Variants in TTN observed in about 807,000 individuals in gnomAD.
TTN encodes titin, also known as connectin.
TTN carries 1,525 observed loss-of-function variants against 3,223.0 expected under a neutral mutation model. The ratio of observed to expected loss-of-function variants is 0.47; its 90% CI spans 0.45 to 0.49. The LOEUF (loss-of-function observed/expected upper bound fraction) is 0.49. Among genes scored for constraint, TTN ranks in the 20% least tolerant of loss-of-function variants. TTN has a pLI of 0.00. For synonymous variants in TTN, 14,094 were observed against 15,161.0 expected (o/e 0.93, Z 5.17); for missense variants, 40,786 against 43,424.0 (o/e 0.94, Z 5.40).
chr2:178,678,299 A>G (rs1489173727), intron 144 of TTN, 91 bp from the exon 145 acceptor site: 11 of 1,515,380 alleles, frequency 7.3e-6, no homozygotes, highest in Non-Finnish European at 4.5e-6. Context: ...TATCTGACAT[A>G]TTTCTAACCA....
rs2093346464 is a variant in TTN at position 178,788,924 on chromosome 2, TTACTGAAATAAGTCA to T, written c.2076+421_2076+435del. On this transcript the variant is annotated intron_variant, in intron 13 of 362. Coordinates refer to ENST00000589042, the MANE Select transcript of TTN (RefSeq NM_001267550.2). ...TCATACAAAGAAAATTATGGGTAAT[TTACTGAAATAAGTCA>T]TACTCCATAACATAATATACTGAAT... 3.3e-5 allele frequency among the ~76,000 whole-genome samples: 5 copies of T among 152,208 alleles called. No homozygotes were observed. The South Asian group carries it at 1.0e-3, about 32-fold the overall frequency.
rs1158031385 is a variant in TTN, at chr2:178,740,547, A to G, written c.12686T>C (p.Val4229Ala). 2 of 1,613,850 alleles carry G rather than the reference A, an allele frequency of 1.2e-6. No individual in the cohort carries two copies. The highest frequency in any genetic ancestry group is 1.7e-6 in the Non-Finnish European group (2 of 1,179,832). Reference protein sequence around the residue: ...EPPMHSYLTSVAEEVLSPKEK... With the variant: ...EPPMHSYLTSAAEEVLSPKEK... ...TTTTGGTGAAAGTACTTCCTCAGCC[A>G]CAGAGGTTAGATAAGAATGCATTGG... Residue 4229 changes from valine to alanine, a missense_variant, in exon 48 of 363, where the codon GTG becomes GCG. Coordinates refer to ENST00000589042, the MANE Select transcript of TTN (RefSeq NM_001267550.2).
In TTN at chr2:178,574,131, C is replaced by T. The variant is rs180828370; in HGVS notation, c.72001G>A (p.Ala24001Thr). 6.2e-5 allele frequency: 100 copies of T among 1,613,506 alleles called. 1 individual carries two copies. In the African/African-American group the frequency reaches 9.6e-4, roughly 15 times the overall value. Residue 24001 changes from alanine (A) to threonine (T), a missense_variant, in exon 326 of 363, where the codon GCC becomes ACC. Physicochemically the swap from Ala to Thr is moderately conservative, Grantham distance 58 (BLOSUM62 0). Transcript: ENST00000589042. ...EDAAYEFRVI[A>T]KNAAGAISPP... ...CTGATGGCACCTGCAGCATTTTTGG[C>T]GATCACACGGAATTCATATGCAGCA...
chr2:178,793,394 C>G lies in TTN; in HGVS notation c.1536+10G>C, dbSNP rs759949720. 1.2e-6 allele frequency: 2 copies of G among 1,613,700 alleles called. No homozygotes were observed. Among genetic ancestry groups the G allele is most frequent in the Non-Finnish European group, 1.7e-6 (2 of 1,179,796 alleles). On this transcript the variant is annotated intron_variant, in intron 9 of 362. Coordinates refer to ENST00000589042, the MANE Select transcript of TTN (RefSeq NM_001267550.2). Reference sequence around the variant, plus strand: ...ACCTCAGTGAATTTAAAATACAAACCCATTTTCACCTGCTCATGAGTTACG... The same window carrying G: ...ACCTCAGTGAATTTAAAATACAAACGCATTTTCACCTGCTCATGAGTTACG...
chr2:178,686,262 A>C (rs1487188745), intron 127 of TTN, among the ~76,000 whole-genome samples: 2 of 147,712 alleles, frequency 1.4e-5, no homozygotes, highest in African/African-American at 5.0e-5. Context: ...CTGGGACTAC[A>C]GGCGCCCGCC....
chr2:178,634,466 C>A lies in TTN; in HGVS notation c.42315G>T (p.Lys14105Asn). Reference protein sequence around the residue: ...SDKFDIIADGKKHILVINDSQ... With the variant: ...SDKFDIIADGNKHILVINDSQ... ...AATCATTAATAACAAGAATATGTTT[C>A]TTTCCATCAGCGATGATATCAAATT... Residue 14105 changes from lysine (K) to asparagine (N), a missense_variant, in exon 230 of 363, where the codon AAG becomes AAT. By Grantham distance (94) the Lys-to-Asn change is moderately conservative. Transcript: ENST00000589042. The surrounding 1 kb of genome is among the most constrained non-coding windows in gnomAD (Gnocchi z 4.6). The A allele has an allele frequency of 1.2e-6, 2 of 1,613,198 alleles. No homozygotes were observed. Among genetic ancestry groups the A allele is most frequent in the Non-Finnish European group, 1.7e-6 (2 of 1,179,480 alleles).
intron 127 of TTN, among the ~76,000 whole-genome samples, chr2:178,687,037 C>T (rs188069221): frequency 3.9e-5 from 6 of 152,300 alleles, no homozygotes; most frequent in Admixed American, 3.9e-4. Context: ...GAGTCATGTC[C>T]CATCTTGGCC....
chr2:178,767,843 C>T lies in TTN; in HGVS notation c.9387G>A (p.Val3129=). The change falls in exon 40 of 363, where the codon GTG becomes GTA. Residue 3129 remains valine, a synonymous_variant. Transcript: ENST00000589042. ...TRMSDAGKYT[V]VAGGNVSTAK... ...CAGTTGACACGTTGCCTCCTGCCACCACTGTGTACTTCCCAGCATCAGACA... is the reference window on the plus strand; with the variant it reads ...CAGTTGACACGTTGCCTCCTGCCACTACTGTGTACTTCCCAGCATCAGACA... The T allele has an allele frequency of 6.2e-7, 1 of 1,614,148 alleles. No homozygotes were observed. The highest frequency in any genetic ancestry group is 8.5e-7 in the Non-Finnish European group (1 of 1,180,006).
intron 253 of TTN, 80 bp from the exon 254 acceptor site, chr2:178,617,592 ATCC>A: frequency 4.2e-6 from 6 of 1,436,278 alleles, no homozygotes; most frequent in Non-Finnish European, 4.7e-6. Flanking sequence ...CAATTATATC[ATCC>A]TCATTAACAG....
rs1438134317 is a variant in TTN, at chr2:178,719,989, C to G, written c.23653G>C (p.Val7885Leu). 1.2e-6 allele frequency: 2 copies of G among 1,605,792 alleles called. No individual in the cohort carries two copies. The highest frequency in any genetic ancestry group is 2.2e-5 in the South Asian group (2 of 89,742). The change falls in exon 81 of 363, where the codon GTA (valine) becomes CTA (leucine). Residue 7885 changes from valine to leucine, a missense_variant. Val to Leu is a conservative substitution (Grantham distance 32). Coordinates refer to ENST00000589042, the MANE Select transcript of TTN (RefSeq NM_001267550.2). ...GCTGTGCTTTGCTACTAACCTAGTA[C>G]AGTCAAGACTGCAGAGCATTCTCTC... The part of the protein sequence containing the change: ...GMRECSAVLT[V>L]LEPARIIEKP...
At chr2:178,748,732 A>C (rs1174029233) in intron 47 of TTN, 1 of 1,612,658 alleles carries the variant, frequency 6.2e-7, no homozygotes, top group African/African-American at 1.3e-5. Flanking sequence ...GTTTATCTAT[A>C]AGACTTATTT....
In TTN at chr2:178,779,898, C is replaced by T. The variant is rs2092611187; in HGVS notation, c.3729+102G>A. The stretch of plus-strand genomic sequence containing the variant: ...ACAGTGAACTTGGACCTTCTAATAG[C>T]TGTCTAACCCCGAGCTCATCACTTG... On this transcript the variant is annotated intron_variant, in intron 22 of 362. Coordinates refer to ENST00000589042, the MANE Select transcript of TTN (RefSeq NM_001267550.2). The T allele has an allele frequency of 2.6e-6, 3 of 1,164,776 alleles. No individual in the cohort carries two copies. The South Asian group carries it at 4.2e-5, about 16-fold the overall frequency. The allele number at this position is 1,164,776 out of a possible 1,614,324, so 72.2% of individuals were successfully genotyped here. A position where few individuals can be genotyped will look rare whatever the true frequency, so the allele number is the denominator to read the frequency against.
Position 178,548,879 on chromosome 2 carries a change from G to T in TTN, c.92747C>A (p.Ala30916Glu). ...DSCEVTGTIK[A>E]VDRLTAPELD... ...CTCAGGAGCTGTTAACCGGTCAACTGCTTTAATTGTGCCAGTCACTTCACA... is the reference window on the plus strand; with the variant it reads ...CTCAGGAGCTGTTAACCGGTCAACTTCTTTAATTGTGCCAGTCACTTCACA... The change falls in exon 339 of 363, where the codon GCA (alanine) becomes GAA (glutamate). Residue 30916 changes from alanine to glutamate, a missense_variant. By Grantham distance (107) the Ala-to-Glu change is moderately radical. Transcript: ENST00000589042. The surrounding 1 kb of genome is among the most constrained non-coding windows in gnomAD (Gnocchi z 4.3). 1 of 1,613,740 alleles carries T rather than the reference G, an allele frequency of 6.2e-7. No homozygotes were observed.
Position 178,800,500 on chromosome 2 carries a change from T to A in TTN, c.478A>T (p.Ser160Cys). The A allele has an allele frequency of 6.2e-7, 1 of 1,614,176 alleles. No homozygotes were observed. The highest frequency in any genetic ancestry group is 8.5e-7 in the Non-Finnish European group (1 of 1,180,018). ...FQISQEGDLY[S>C]LLIAEAYPED... ...GGGTATGCTTCTGCAATCAGTAAGC[T>A]GTAGAGGTCGCCTTCTTGTGAAATT... Residue 160 changes from serine to cysteine, a missense_variant, in exon 4 of 363, where the codon AGC becomes TGC. Physicochemically the swap from Ser to Cys is moderately radical, Grantham distance 112. Transcript: ENST00000589042.
At chr2:178,735,418 C>T in intron 50 of TTN, 93 bp downstream of exon 50, 1 of 1,211,550 alleles carries the variant, frequency 8.3e-7, no homozygotes, top group Non-Finnish European at 1.1e-6. Flanking sequence ...ATTTTAATAA[C>T]AAAGTGTACT....
rs377406091 is a variant in TTN, at chr2:178,535,086, C to T, written c.101529G>A (p.Lys33843=). The T allele has an allele frequency of 6.2e-7, 1 of 1,613,834 alleles. No homozygotes were observed. Among genetic ancestry groups the T allele is most frequent in the Non-Finnish European group, 8.5e-7 (1 of 1,179,844 alleles). The change falls in exon 358 of 363, where the codon AAG becomes AAA. Residue 33843 remains lysine (K), a synonymous_variant. Transcript: ENST00000589042. ...VHRCVETSSK[K]TYMAKFVKVK... is the part of the protein sequence containing the mutation. ...CTTTAACAAATTTGGCCATGTATGT[C>T]TTCTTTGAGGATGTTTCAACACAAC...
chr2:178,736,312 C>T (rs1574020322), intron 49 of TTN, among the ~76,000 whole-genome samples: 1 of 152,076 alleles, frequency 6.6e-6, no homozygotes, highest in South Asian at 2.1e-4. Flanking sequence ...GACAAGCGTT[C>T]CTTTATTAAG....
chr2:178,756,258 C>T lies in TTN; in HGVS notation c.11218G>A (p.Glu3740Lys), dbSNP rs763042113. The T allele has an allele frequency of 5.0e-6, 8 of 1,613,366 alleles. No individual in the cohort carries two copies. In the Admixed American group the frequency reaches 1.2e-4, roughly 24 times the overall value. ...CTTAGTACTGCTGACGTTGTCCTCT[C>T]TCCACAGTCATTGTGTACAATGCAG... ...YSCIVHNDCG[E>K]RTTSAVLSVE... Residue 3740 changes from glutamate to lysine, a missense_variant, in exon 46 of 363, where the codon GAG (glutamate) becomes AAG (lysine). Coordinates refer to ENST00000589042, the MANE Select transcript of TTN (RefSeq NM_001267550.2).
chr2:178,566,648 T>C lies in TTN; in HGVS notation c.79484A>G (p.His26495Arg). ...TGAATTTTTAGTGGTGTCTACAATG[T>C]GTGCATTGGTAGGTGGGCCAGGTTT... Reference protein sequence around the residue: ...VFKPGPPTNAHIVDTTKNSIT... With the variant: ...VFKPGPPTNARIVDTTKNSIT... Residue 26495 changes from histidine (H) to arginine (R), a missense_variant, in exon 326 of 363, where the codon CAC (histidine) becomes CGC (arginine). Physicochemically the swap from His to Arg is conservative, Grantham distance 29. Transcript: ENST00000589042. 6.2e-7 allele frequency: 1 copy of C among 1,612,974 alleles called. No homozygotes were observed. The highest frequency in any genetic ancestry group is 8.5e-7 in the Non-Finnish European group (1 of 1,179,664).
Sources: gnomAD v4.1 joint callset for allele counts (sites outside exome capture counted in the v4.1 genomes callset) on GRCh38, gnomAD v4.1.1 for gene constraint, Gnocchi (gnomAD v3.1) non-coding constraint, MANE v1.5 for transcripts, NCBI Gene and HGNC (gene_info 2026-07-23, HGNC 2026-07-21) for gene names.